Variants in ANKFY1 observed in about 807,000 individuals in gnomAD.
The protein encoded by ANKFY1 is ankyrin repeat and FYVE domain-containing protein 1.
In ANKFY1, 47 loss-of-function variants were observed where a neutral mutation model predicts 128.3. The observed-to-expected ratio is 0.37, with a 90% CI of 0.29 to 0.47. The LOEUF is 0.47. Ranked by LOEUF, ANKFY1 falls within the 20% of genes least tolerant of loss-of-function variation. The pLI is 1.00. For missense variants in ANKFY1, 1,222 were observed against 1,510.6 expected, an observed-to-expected ratio of 0.81 and a Z score of 3.17; for synonymous variants, 553 against 601.6, an observed-to-expected ratio of 0.92 and a Z score of 1.18.
At chr17:4,173,001 C>T (rs1278288568) in intron 21 of ANKFY1, among the ~76,000 whole-genome samples, 4 of 152,170 alleles carry the variant, frequency 2.6e-5, no homozygotes, top group African/African-American at 4.8e-5. Flanking sequence ...GGACTACAGG[C>T]GCCCGCCACC....
At chr17:4,193,583 C>T (rs1485705965) in intron 10 of ANKFY1, among the ~76,000 whole-genome samples, 1 of 151,474 alleles carries the variant, frequency 6.6e-6, no homozygotes, top group African/African-American at 2.4e-5. Context: ...ATCGCCATCA[C>T]GCCCGGCTAA....
chr17:4,235,976 T>A (rs1966886274), intron 2 of ANKFY1, 86 bp from the exon 3 acceptor site: 1 of 937,834 alleles, frequency 1.1e-6, no homozygotes, highest in Non-Finnish European at 1.7e-6. Flanking sequence ...AACACATGAG[T>A]ATTCATCAAC....
At chr17:4,199,140 A>G (rs2059881894) in intron 7 of ANKFY1, among the ~76,000 whole-genome samples, 1 of 152,250 alleles carries the variant, frequency 6.6e-6, no homozygotes, top group African/African-American at 2.4e-5. Flanking sequence ...AGCCTGGGTG[A>G]CAGAGAGAGA....
chr17:4,242,191 A>G, intron 2 of ANKFY1, 65 bp downstream of exon 2: 1 of 1,391,534 alleles, frequency 7.2e-7, no homozygotes, highest in South Asian at 1.6e-5. Context: ...AAAGTGAATG[A>G]GAAAAGCTGT....
rs1409478946 is a variant in ANKFY1, at chr17:4,169,657, T to C, written c.3287-369A>G. 6.6e-6 allele frequency among the ~76,000 whole-genome samples: 1 copy of C among 151,920 alleles called. No homozygotes were observed. The highest frequency in any genetic ancestry group is 1.5e-5 in the Non-Finnish European group (1 of 67,962). ...GAGGATGGGACTAAGACAAGAGAAA[T>C]TGAGGAGGCAAAATCTGTAACTCAG... On this transcript the variant is annotated intron_variant, in intron 23 of 24. Coordinates refer to ENST00000341657, the MANE Select transcript of ANKFY1 (RefSeq NM_001330063.2). The surrounding 1 kb of genome is among the most constrained non-coding windows in gnomAD (Gnocchi z 5.0).
chr17:4,248,287 G>A (rs923490827), intron 1 of ANKFY1, among the ~76,000 whole-genome samples: 7 of 152,208 alleles, frequency 4.6e-5, no homozygotes, highest in African/African-American at 9.6e-5. Flanking sequence ...ATCAGCAGCA[G>A]CATTAGATTC....
chr17:4,167,497 A>C lies in ANKFY1; in HGVS notation c.*282T>G. On this transcript the variant is annotated 3_prime_UTR_variant, in exon 25 of 25. Coordinates refer to ENST00000341657, the MANE Select transcript of ANKFY1 (RefSeq NM_001330063.2). This position sits in a 1 kb window ranked among gnomAD's most constrained non-coding sequence, Gnocchi z 4.1. ...AGTGTCCCTGTATGTTGCTAGCAGA[A>C]TGGGGAGAGGTCTAATTCCTAATCA... 3.6e-6 allele frequency: 1 copy of C among 278,070 alleles called. No individual in the cohort carries two copies. Among genetic ancestry groups the C allele is most frequent in the Non-Finnish European group, 6.7e-6 (1 of 149,132 alleles). 17.2% of individuals were successfully genotyped at this position (278,070 alleles called of 1,614,324 possible). A position where few individuals can be genotyped will look rare whatever the true frequency, so the allele number is the denominator to read the frequency against.
chr17:4,179,122 G>C (rs1378868199), intron 17 of ANKFY1, 65 bp from the exon 18 acceptor site: 54 of 1,529,584 alleles, frequency 3.5e-5, no homozygotes, highest in Non-Finnish European at 4.7e-5. Flanking sequence ...AATATGAAAG[G>C]GTATAACTTT....
At chr17:4,183,737 C>A in intron 13 of ANKFY1, 75 bp downstream of exon 13, 1 of 1,490,608 alleles carries the variant, frequency 6.7e-7, no homozygotes, top group Non-Finnish European at 9.3e-7. Flanking sequence ...TTCTTTCTCG[C>A]TCCCTCTGTC....
chr17:4,189,691 G>A (rs62066550), intron 10 of ANKFY1, among the ~76,000 whole-genome samples: 113,182 of 130,058 alleles, frequency 0.87, 49,380 homozygotes, highest in East Asian at 0.97. Context: ...GTAGGCCCAC[G>A]CCAGACAGTA....
Position 4,179,063 on chromosome 17 carries a change from G to C in ANKFY1, c.2398-6C>G. On this transcript the variant is annotated splice_polypyrimidine_tract_variant and splice_region_variant and intron_variant, in intron 17 of 24. Transcript: ENST00000341657. Reference sequence around the variant, plus strand: ...GGGGTTCTTCCTTCTGCATCCTATGGAACAAGGCACAGAATTTAATGTTCA... The same window carrying C: ...GGGGTTCTTCCTTCTGCATCCTATGCAACAAGGCACAGAATTTAATGTTCA... 1 of 1,613,766 alleles carries C rather than the reference G, an allele frequency of 6.2e-7. No individual in the cohort carries two copies. The highest frequency in any genetic ancestry group is 8.5e-7 in the Non-Finnish European group (1 of 1,179,868).
Position 4,263,922 on chromosome 17 carries a change from A to T in ANKFY1, c.10+10T>A. The T allele has an allele frequency of 6.2e-7, 1 of 1,613,924 alleles. No individual in the cohort carries two copies. Among genetic ancestry groups the T allele is most frequent in the Non-Finnish European group, 8.5e-7 (1 of 1,179,904 alleles). ...GTGTCTTCCCGCGCGGCTCCACAAA[A>T]AAACCCTACCTTCCGCCATGTCTGG... is the stretch of plus-strand genomic sequence containing the variant. On this transcript the variant is annotated intron_variant, in intron 1 of 24. Transcript: ENST00000341657.
Position 4,172,652 on chromosome 17 carries a change from G to T in ANKFY1, c.3043C>A (p.Gln1015Lys). Residue 1015 changes from glutamine to lysine, a missense_variant, in exon 22 of 25, where the codon CAA becomes AAA. Physicochemically the swap from Gln to Lys is moderately conservative, Grantham distance 53. Coordinates refer to ENST00000341657, the MANE Select transcript of ANKFY1 (RefSeq NM_001330063.2). ...GCCGCTGCATTCTCCTTGCCATATT[G>T]TCCCAAAATGTGCAGTGGTGACTGG... Reference protein sequence around the residue: ...RGQSPLHILGQYGKENAAAIF... With the variant: ...RGQSPLHILGKYGKENAAAIF... The T allele has an allele frequency of 6.2e-7, 1 of 1,614,090 alleles. No individual in the cohort carries two copies. Among genetic ancestry groups the T allele is most frequent in the Admixed American group, 1.7e-5 (1 of 60,014 alleles).
chr17:4,259,437 A>G (rs1598162508), intron 1 of ANKFY1, among the ~76,000 whole-genome samples: 1 of 152,140 alleles, frequency 6.6e-6, no homozygotes, highest in East Asian at 1.9e-4. Flanking sequence ...ACATGCCACC[A>G]TGCCTGGCTA....
At chr17:4,261,310 G>A (rs1400753881) in intron 1 of ANKFY1, among the ~76,000 whole-genome samples, 1 of 152,190 alleles carries the variant, frequency 6.6e-6, no homozygotes, top group Non-Finnish European at 1.5e-5. Flanking sequence ...CCAACACAGT[G>A]AAACCCCATC....
At chr17:4,241,396 C>T (rs1967213485) in intron 2 of ANKFY1, among the ~76,000 whole-genome samples, 1 of 151,564 alleles carries the variant, frequency 6.6e-6, no homozygotes, top group Non-Finnish European at 1.5e-5. Context: ...TCTCCTGCCT[C>T]AGCCTCCCGA....
chr17:4,256,022 T>C (rs914670644), intron 1 of ANKFY1, among the ~76,000 whole-genome samples: 15 of 151,998 alleles, frequency 9.9e-5, no homozygotes, highest in African/African-American at 1.2e-4. Context: ...TTCACCATGT[T>C]GCTCAGGCTA....
intron 3 of ANKFY1, among the ~76,000 whole-genome samples, chr17:4,224,985 C>T (rs1371698548): frequency 7.1e-6 from 1 of 140,224 alleles, no homozygotes; most frequent in African/African-American, 2.7e-5. Context: ...TTGTGCTTAT[C>T]TTCAAGGCTG....
chr17:4,212,666 A>T (rs772512974), intron 4 of ANKFY1, among the ~76,000 whole-genome samples: 2 of 152,232 alleles, frequency 1.3e-5, no homozygotes, highest in African/African-American at 2.4e-5. Flanking sequence ...CAATCTTAAC[A>T]GATGGGCTTT....
Sources: gnomAD v4.1 joint callset for allele counts (sites outside exome capture counted in the v4.1 genomes callset) on GRCh38, gnomAD v4.1.1 for gene constraint, Gnocchi (gnomAD v3.1) non-coding constraint, MANE v1.5 for transcripts, NCBI Gene and HGNC (gene_info 2026-07-23, HGNC 2026-07-21) for gene names.